Variants in HIRA observed in about 807,000 individuals in gnomAD.
HIRA encodes the protein protein HIRA.
HIRA carries 13 observed loss-of-function variants against 126.6 expected under a neutral mutation model. The ratio of observed to expected loss-of-function variants is 0.10; its 90% CI spans 0.07 to 0.16. The LOEUF is 0.16. HIRA is among the 10% of genes least tolerant of loss of function. HIRA has a pLI of 1.00. For synonymous variants in HIRA, 511 were observed against 520.0 expected, an observed-to-expected ratio of 0.98 and a Z score of 0.24; for missense variants, 834 against 1,314.4, an observed-to-expected ratio of 0.63 and a Z score of 5.65.
chr22:19,378,254 T>C (rs551739009), intron 13 of HIRA, among the ~76,000 whole-genome samples, 188 bp from the exon 14 acceptor site: 2 of 152,342 alleles, frequency 1.3e-5, no homozygotes, highest in East Asian at 3.9e-4. Flanking sequence ...GAATCTAGGA[T>C]TTACAGGTTC....
chr22:19,341,159 T>C (rs564757288), intron 24 of HIRA, among the ~76,000 whole-genome samples: 37 of 151,072 alleles, frequency 2.4e-4, no homozygotes, highest in African/African-American at 8.8e-4. Flanking sequence ...CTACAAAATA[T>C]ACAAAAATCA....
chr22:19,370,774 C>T (rs997560613), intron 15 of HIRA, among the ~76,000 whole-genome samples: 5 of 152,220 alleles, frequency 3.3e-5, no homozygotes, highest in African/African-American at 9.7e-5. Context: ...GCAGGAAGCT[C>T]AGCCCCAAGT....
At chr22:19,362,924 AGAAGT>A (rs1476574174) in intron 15 of HIRA, among the ~76,000 whole-genome samples, 1 of 151,836 alleles carries the variant, frequency 6.6e-6, no homozygotes, top group African/African-American at 2.4e-5. Flanking sequence ...GAAGATAAAA[AGAAGT>A]GAAGATTAAA....
chr22:19,377,746 T>A, intron 14 of HIRA, 123 bp downstream of exon 14: 1 of 866,770 alleles, frequency 1.2e-6, no homozygotes, highest in Non-Finnish European at 1.8e-6. Flanking sequence ...TCACGCATTT[T>A]TTTCTTTCTT....
intron 24 of HIRA, among the ~76,000 whole-genome samples, chr22:19,336,405 G>A (rs181147123): frequency 1.3e-5 from 2 of 152,332 alleles, no homozygotes; most frequent in Non-Finnish European, 2.9e-5. Flanking sequence ...TCTCAAAAGT[G>A]CCATCTCCTG....
chr22:19,349,198 C>T (rs782618509), intron 24 of HIRA, among the ~76,000 whole-genome samples: 6 of 144,712 alleles, frequency 4.1e-5, no homozygotes, highest in Non-Finnish European at 7.6e-5. Context: ...CTCCTCCTCC[C>T]GGTTCAAGCG....
intron 24 of HIRA, among the ~76,000 whole-genome samples, chr22:19,346,248 G>C (rs1348788315): frequency 6.6e-6 from 1 of 152,240 alleles, no homozygotes; most frequent in Non-Finnish European, 1.5e-5. Context: ...CAGGCACGGT[G>C]GCTCACGCCT....
chr22:19,409,283 C>A (rs1406992704), intron 2 of HIRA, among the ~76,000 whole-genome samples: 1 of 142,334 alleles, frequency 7.0e-6, no homozygotes, highest in Non-Finnish European at 1.5e-5. Flanking sequence ...GTAATGATTT[C>A]TTTTCTTTTT....
intron 24 of HIRA, among the ~76,000 whole-genome samples, chr22:19,349,605 A>G (rs1382547141): frequency 2.6e-5 from 4 of 152,218 alleles, no homozygotes; most frequent in Admixed American, 2.6e-4. Flanking sequence ...TAGATTTACA[A>G]TAGATTTTTT....
chr22:19,353,458 G>A lies in HIRA; in HGVS notation c.2746C>T (p.Leu916=), dbSNP rs373078234. The part of the protein sequence containing the change: ...VPHVVQQETT[L]AYLENQVAAA... ...GCCACCTGGTTCTCTAGGTAGGCCA[G>A]GGTGGTCTCTTGCTGCACCACATGA... The change falls in exon 23 of 25, where the codon CTG becomes TTG. Residue 916 remains leucine, a synonymous_variant. Coordinates refer to ENST00000263208, the MANE Select transcript of HIRA (RefSeq NM_003325.4). 8 of 1,613,014 alleles carry A rather than the reference G, an allele frequency of 5.0e-6. No individual in the cohort carries two copies. The highest frequency in any genetic ancestry group is 6.8e-6 in the Non-Finnish European group (8 of 1,179,912).
intron 10 of HIRA, among the ~76,000 whole-genome samples, 160 bp from the exon 11 acceptor site, chr22:19,387,976 G>C (rs926347876): frequency 8.6e-5 from 13 of 151,606 alleles, no homozygotes; most frequent in Admixed American, 2.6e-4. Context: ...CCTGGGCGGG[G>C]GGGGGAGGGG....
intron 13 of HIRA, among the ~76,000 whole-genome samples, chr22:19,382,694 T>A (rs957590043): frequency 2.0e-5 from 3 of 151,914 alleles, no homozygotes; most frequent in African/African-American, 7.3e-5. Context: ...ATAGACGGAA[T>A]GAGAATAAAA....
At chr22:19,347,796 G>A (rs1034431862) in intron 24 of HIRA, among the ~76,000 whole-genome samples, 2 of 152,156 alleles carry the variant, frequency 1.3e-5, no homozygotes, top group Non-Finnish European at 2.9e-5. Context: ...AAAATTAGCT[G>A]GGTGTAGTGG....
At chr22:19,374,589 G>A (rs781776923) in intron 15 of HIRA, among the ~76,000 whole-genome samples, 14 of 152,184 alleles carry the variant, frequency 9.2e-5, no homozygotes, top group Non-Finnish European at 1.3e-4. Context: ...TGTTTTCCAA[G>A]GAGAATAAAT....
intron 15 of HIRA, among the ~76,000 whole-genome samples, chr22:19,375,072 A>C (rs2089004966): frequency 6.6e-6 from 1 of 152,248 alleles, no homozygotes; most frequent in African/African-American, 2.4e-5. Context: ...AAACTCCAAG[A>C]AATAAAGAAC....
intron 1 of HIRA, among the ~76,000 whole-genome samples, chr22:19,416,143 C>G (rs1449370704): frequency 3.3e-5 from 5 of 152,138 alleles, no homozygotes; most frequent in African/African-American, 1.2e-4. Context: ...AGAACAGTCT[C>G]TTTTACAAAT....
chr22:19,376,265 A>G (rs937195027), intron 14 of HIRA, among the ~76,000 whole-genome samples: 1 of 152,058 alleles, frequency 6.6e-6, no homozygotes, highest in Non-Finnish European at 1.5e-5. Flanking sequence ...GGCCCCTCCC[A>G]TATCTCCCTG....
intron 2 of HIRA, among the ~76,000 whole-genome samples, chr22:19,410,505 C>T (rs1445565609): frequency 2.0e-5 from 3 of 152,140 alleles, no homozygotes; most frequent in East Asian, 3.8e-4. Context: ...ATGATACATC[C>T]GCTGCCAAAA....
At chr22:19,338,834 G>A (rs1189521650) in intron 24 of HIRA, among the ~76,000 whole-genome samples, 2 of 152,112 alleles carry the variant, frequency 1.3e-5, no homozygotes, top group Admixed American at 6.5e-5. Flanking sequence ...AGTACTCAAC[G>A]TAAGAAATGA....
Sources: gnomAD v4.1 joint callset for allele counts (sites outside exome capture counted in the v4.1 genomes callset) on GRCh38, gnomAD v4.1.1 for gene constraint, MANE v1.5 for transcripts, NCBI Gene and HGNC (gene_info 2026-07-23, HGNC 2026-07-21) for gene names.